Variants in TAF4B observed in about 807,000 individuals in gnomAD.
TAF4B encodes the protein TATA-box binding protein associated factor 4b.
Under a neutral mutation model 86.4 loss-of-function variants are expected in TAF4B, and 38 were observed. The ratio of observed to expected loss-of-function variants is 0.44; its 90% CI spans 0.34 to 0.58. The LOEUF (loss-of-function observed/expected upper bound fraction) is 0.58, where lower values mean the gene tolerates loss of function less well. Ranked by LOEUF, TAF4B falls within the 20% of genes least tolerant of loss-of-function variation. The pLI is 0.02. For missense variants in TAF4B, 988 were observed against 1,027.6 expected, an observed-to-expected ratio of 0.96 and a Z score of 0.53; for synonymous variants, 388 against 391.2, an observed-to-expected ratio of 0.99 and a Z score of 0.10.
At chr18:26,370,114 G>A (rs2057396935) in intron 14 of TAF4B, among the ~76,000 whole-genome samples, 1 of 152,170 alleles carries the variant, frequency 6.6e-6, no homozygotes, top group Non-Finnish European at 1.5e-5. Flanking sequence ...GAGATAGATT[G>A]GTTCCTTCAA....
intron 1 of TAF4B, among the ~76,000 whole-genome samples, chr18:26,235,516 G>C (rs1451291472): frequency 6.6e-6 from 1 of 152,190 alleles, no homozygotes; most frequent in Non-Finnish European, 1.5e-5. Flanking sequence ...CTGGCATGAG[G>C]CTTCCAAACT....
At chr18:26,353,538 C>A (rs1025038673) in intron 13 of TAF4B, among the ~76,000 whole-genome samples, 1 of 152,150 alleles carries the variant, frequency 6.6e-6, no homozygotes, top group Non-Finnish European at 1.5e-5. Flanking sequence ...CAAGACCAGC[C>A]TGGGCAACAT....
intron 12 of TAF4B, among the ~76,000 whole-genome samples, chr18:26,330,616 T>A (rs1003100742): frequency 6.6e-6 from 1 of 152,174 alleles, no homozygotes; most frequent in African/African-American, 2.4e-5. Flanking sequence ...GGTATGTGTA[T>A]ATGTACACGT....
intron 12 of TAF4B, among the ~76,000 whole-genome samples, chr18:26,328,533 C>G (rs904512137): frequency 6.6e-6 from 1 of 152,056 alleles, no homozygotes; most frequent in African/African-American, 2.4e-5. Flanking sequence ...GAAAAGTTGC[C>G]AAAACTGTAC....
chr18:26,229,900 C>CT (rs1356996708), intron 1 of TAF4B, among the ~76,000 whole-genome samples: 1 of 151,814 alleles, frequency 6.6e-6, no homozygotes, highest in East Asian at 1.9e-4. Context: ...ATAATGAATA[C>CT]TTTAAGTATT....
intron 5 of TAF4B, among the ~76,000 whole-genome samples, chr18:26,280,255 G>A (rs1289295876): frequency 2.6e-5 from 4 of 152,032 alleles, no homozygotes; most frequent in Admixed American, 2.6e-4. Context: ...ATCGGCCTTG[G>A]CAAAGAATTT....
At chr18:26,355,556 C>T (rs1467689046) in intron 13 of TAF4B, among the ~76,000 whole-genome samples, 4 of 152,156 alleles carry the variant, frequency 2.6e-5, no homozygotes, top group Admixed American at 1.3e-4. Context: ...GGTCAGTTTC[C>T]ATTTTTGTTA....
chr18:26,237,977 C>T (rs193207532), intron 1 of TAF4B, among the ~76,000 whole-genome samples: 41 of 152,280 alleles, frequency 2.7e-4, no homozygotes, highest in Admixed American at 2.4e-3. Flanking sequence ...GAACCTGCAA[C>T]GGTCCGTGGA....
chr18:26,315,192 C>CACAAA, intron 9 of TAF4B, 37 bp from the exon 10 acceptor site: 3 of 1,333,256 alleles, frequency 2.3e-6, no homozygotes, highest in Non-Finnish European at 1.0e-6. Context: ...CACACACACA[C>CACAAA]AACCTAAAAT....
chr18:26,229,496 T>TTC (rs2055630264), intron 1 of TAF4B, among the ~76,000 whole-genome samples: 2 of 37,116 alleles, frequency 5.4e-5, no homozygotes, highest in African/African-American at 2.6e-4. Flanking sequence ...CTTTCTTTCT[T>TTC]TTTTTTTTTT....
At chr18:26,359,572 T>C (rs2033748826) in intron 14 of TAF4B, among the ~76,000 whole-genome samples, 1 of 152,194 alleles carries the variant, frequency 6.6e-6, no homozygotes, top group Non-Finnish European at 1.5e-5. Context: ...TTTAAAGTAA[T>C]TTTCTTTATA....
At chr18:26,302,409 C>G (rs2056745131) in intron 9 of TAF4B, among the ~76,000 whole-genome samples, 1 of 108,020 alleles carries the variant, frequency 9.3e-6, no homozygotes, top group East Asian at 3.2e-4. Context: ...TGGTCTCTGT[C>G]ACCTAGGCTG....
At chr18:26,280,085 A>G (rs2056429624) in intron 5 of TAF4B, among the ~76,000 whole-genome samples, 1 of 151,842 alleles carries the variant, frequency 6.6e-6, no homozygotes, top group Non-Finnish European at 1.5e-5. Context: ...GATTCTATAC[A>G]TGGTGCTGGG....
chr18:26,281,217 CATCTGT>C (rs1392925405), intron 5 of TAF4B, among the ~76,000 whole-genome samples: 4 of 152,104 alleles, frequency 2.6e-5, no homozygotes, highest in Non-Finnish European at 2.9e-5. Flanking sequence ...GTGACGAGAT[CATCTGT>C]ACCCCAAACT....
intron 9 of TAF4B, among the ~76,000 whole-genome samples, chr18:26,309,624 G>A (rs1050653051): frequency 1.1e-4 from 16 of 151,940 alleles, no homozygotes; most frequent in Non-Finnish European, 2.4e-4. Flanking sequence ...TTTTGTTAAA[G>A]TATGTTATTT....
intron 10 of TAF4B, among the ~76,000 whole-genome samples, chr18:26,320,248 C>CA (rs2056950799): frequency 6.6e-6 from 1 of 152,158 alleles, no homozygotes; most frequent in African/African-American, 2.4e-5. Context: ...CTATTTAAAA[C>CA]AGATGACCTA....
chr18:26,241,043 C>T (rs1320123208), intron 1 of TAF4B, among the ~76,000 whole-genome samples: 1 of 152,030 alleles, frequency 6.6e-6, no homozygotes, highest in Non-Finnish European at 1.5e-5. Flanking sequence ...GTCTAAAATT[C>T]TCTTTTTTGG....
chr18:26,241,708 C>T (rs1445595062), intron 1 of TAF4B, among the ~76,000 whole-genome samples: 1 of 152,192 alleles, frequency 6.6e-6, no homozygotes, highest in Non-Finnish European at 1.5e-5. Context: ...TTCCTGCTTT[C>T]TCTTATGGGA....
chr18:26,349,664 A>G (rs1832627472), intron 13 of TAF4B, among the ~76,000 whole-genome samples: 1 of 152,244 alleles, frequency 6.6e-6, no homozygotes, highest in South Asian at 2.1e-4. Flanking sequence ...ATCTCTGTCA[A>G]AATACCAAGG....
Sources: allele counts gnomAD v4.1 joint callset (sites outside exome capture counted in the v4.1 genomes callset), GRCh38; gene constraint gnomAD v4.1.1; transcripts MANE v1.5; gene names NCBI Gene and HGNC (gene_info 2026-07-23, HGNC 2026-07-21).